PPP6R1: variants seen among roughly 807,000 people sequenced by gnomAD.
PPP6R1 encodes the protein protein phosphatase 6 regulatory subunit 1, also known as serine/threonine-protein phosphatase 6 regulatory subunit 1.
PPP6R1 carries 39 observed loss-of-function variants against 104.6 expected under a neutral mutation model. The ratio of observed to expected loss-of-function variants is 0.37; its 90% CI spans 0.29 to 0.49. The LOEUF is 0.49. Among genes scored for constraint, PPP6R1 ranks in the 20% least tolerant of loss-of-function variants. The probability of loss-of-function intolerance (pLI) is 0.98; values close to 1 mark genes in which losing one functional copy is unlikely to be tolerated. For synonymous variants in PPP6R1, 549 were observed against 479.0 expected (o/e 1.15, Z -1.91); for missense variants, 1,181 against 1,155.8 (o/e 1.02, Z -0.32).
At chr19:55,244,050 T>C (rs1326845308) in intron 5 of PPP6R1, among the ~76,000 whole-genome samples, 7 of 152,166 alleles carry the variant, frequency 4.6e-5, no homozygotes, top group Non-Finnish European at 1.5e-5. Flanking sequence ...GCTGTGCAAT[T>C]TACATCTCAG....
Position 55,245,212 on chromosome 19 carries a change from T to A in PPP6R1, c.553-27A>T, listed in dbSNP as rs1471317005. The A allele has an allele frequency of 6.2e-7, 1 of 1,609,414 alleles. No individual in the cohort carries two copies. The highest frequency in any genetic ancestry group is 8.5e-7 in the Non-Finnish European group (1 of 1,178,110). On this transcript the variant is annotated intron_variant, in intron 4 of 23. Coordinates refer to ENST00000412770, the MANE Select transcript of PPP6R1 (RefSeq NM_014931.4). The surrounding 1 kb of genome is among the most constrained non-coding windows in gnomAD (Gnocchi z 6.4). ...TGAGGGTGAGAAGGCGAGGGATGCA[T>A]CGCTGTCCACCACGCCCAGCCCCCC...
In PPP6R1 at chr19:55,246,816, G is replaced by A. The variant is rs1371064379; in HGVS notation, c.227+61C>T. 5 of 1,377,272 alleles carry A rather than the reference G, an allele frequency of 3.6e-6. No homozygotes were observed. The Admixed American group carries it at 1.2e-4, about 32-fold the overall frequency. 85.3% of individuals were successfully genotyped at this position (1,377,272 alleles called of 1,614,324 possible). A position where few individuals can be genotyped will look rare whatever the true frequency, so the allele number is the denominator to read the frequency against. On this transcript the variant is annotated intron_variant, in intron 2 of 23. Coordinates refer to ENST00000412770, the MANE Select transcript of PPP6R1 (RefSeq NM_014931.4). ...GCATTTCAGGGTAGCTGTGAGGCTT[G>A]CGTAGTGAAGGTATGTGTGATGCTG... is the stretch of plus-strand genomic sequence containing the variant.
chr19:55,241,311 G>A lies in PPP6R1; in HGVS notation c.1089C>T (p.Ala363=), dbSNP rs1368151748. The stretch of plus-strand genomic sequence containing the variant: ...CTGCATCATTGGCGCTCAGGGCACT[G>A]GCCAGGAGCTTGACCACGTGCAGCC... ...NTRLHVVKLL[A]SALSANDAAL... is the part of the protein sequence containing the mutation. The change falls in exon 9 of 24, where the codon GCC becomes GCT. Residue 363 remains alanine, a synonymous_variant. Coordinates refer to ENST00000412770, the MANE Select transcript of PPP6R1 (RefSeq NM_014931.4). This position sits in a 1 kb window ranked among gnomAD's most constrained non-coding sequence, Gnocchi z 5.4. 6.2e-7 allele frequency: 1 copy of A among 1,611,762 alleles called. No individual in the cohort carries two copies. The highest frequency in any genetic ancestry group is 8.5e-7 in the Non-Finnish European group (1 of 1,179,756).
Position 55,257,078 on chromosome 19 carries a change from T to TAA in PPP6R1, c.-7+1355_-7+1356dup, listed in dbSNP as rs35336959. On this transcript the variant is annotated intron_variant, in intron 1 of 23. Coordinates refer to ENST00000412770, the MANE Select transcript of PPP6R1 (RefSeq NM_014931.4). ...ATGATCCCAATCCCAGAACTAGAGT[T>TAA]AAAAAAAAAAAAAAAAAAAAAGCAT... is the stretch of plus-strand genomic sequence containing the variant. Among the ~76,000 whole-genome samples the TAA allele has an allele frequency of 2.3e-3, 213 of 94,222 alleles. 1 individual carries two copies. The highest frequency in any genetic ancestry group is 6.3e-3 in the Middle Eastern group (1 of 158). The allele number at this position is 94,222 out of a possible 152,430, so 61.8% of individuals were successfully genotyped here. A position where few individuals can be genotyped will look rare whatever the true frequency, so the allele number is the denominator to read the frequency against.
chr19:55,258,284 G>A (rs2087610515), intron 1 of PPP6R1, among the ~76,000 whole-genome samples, 151 bp downstream of exon 1: 1 of 152,146 alleles, frequency 6.6e-6, no homozygotes, highest in Non-Finnish European at 1.5e-5. Flanking sequence ...GGGGTGCCGT[G>A]GAGAGGAAAC....
chr19:55,256,880 G>A (rs909775425), intron 1 of PPP6R1, among the ~76,000 whole-genome samples: 1 of 152,086 alleles, frequency 6.6e-6, no homozygotes, highest in African/African-American at 2.4e-5. Context: ...TTCTGCCACA[G>A]GCTTCTACAA....
intron 5 of PPP6R1, chr19:55,242,702 G>A (rs959813104): frequency 7.2e-6 from 4 of 553,612 alleles, no homozygotes; most frequent in Non-Finnish European, 1.3e-5. Flanking sequence ...CCCAGGACAG[G>A]AGGCATCCAC....
At chr19:55,228,857 A>G, downstream of PPP6R1, 1 of 1,052,670 alleles carries the variant, frequency 9.5e-7, no homozygotes, top group South Asian at 1.4e-5. Context: ...TCTGTGACTG[A>G]TAACAGGGCC....
In PPP6R1 at chr19:55,240,280, C is replaced by A; in HGVS notation, c.1317G>T (p.Leu439=). 1 of 1,593,806 alleles carries A rather than the reference C, an allele frequency of 6.3e-7. No homozygotes were observed. Residue 439 remains leucine (L), a synonymous_variant, in exon 11 of 24, where the codon CTG becomes CTT. Coordinates refer to ENST00000412770, the MANE Select transcript of PPP6R1 (RefSeq NM_014931.4). ...VVKHLLQQCR[L]VERILTSWEE... Reference sequence around the variant, plus strand: ...CCCAGGACGTCAGGATCCGCTCCACCAGGCGGCACTGCTGCAGCAGCTGCG... The same window carrying A: ...CCCAGGACGTCAGGATCCGCTCCACAAGGCGGCACTGCTGCAGCAGCTGCG...
rs761667792 is a variant in PPP6R1, at chr19:55,230,487, G to A, written c.*41C>T. 24 of 1,611,888 alleles carry A rather than the reference G, an allele frequency of 1.5e-5. No individual in the cohort carries two copies. The highest frequency in any genetic ancestry group is 2.2e-5 in the East Asian group (1 of 44,856). On this transcript the variant is annotated 3_prime_UTR_variant, in exon 24 of 24. Coordinates refer to ENST00000412770, the MANE Select transcript of PPP6R1 (RefSeq NM_014931.4). ...CCTGCCCCCACCCCGGGAGATCCAC[G>A]GGAGGACGGAAGATTTGGCCGCCGC...
chr19:55,253,940 A>G (rs2122736313), intron 1 of PPP6R1, among the ~76,000 whole-genome samples: 1 of 152,288 alleles, frequency 6.6e-6, no homozygotes, highest in Non-Finnish European at 1.5e-5. Context: ...GGCTGCTGTG[A>G]AAAGGCATTG....
intron 18 of PPP6R1, 27 bp from the exon 19 acceptor site, chr19:55,232,009 G>A (rs771950156): frequency 1.2e-6 from 2 of 1,608,222 alleles, no homozygotes; most frequent in Admixed American, 3.4e-5. Context: ...GGAGCGGGAT[G>A]GAGGGTGAAC....
intron 17 of PPP6R1, among the ~76,000 whole-genome samples, chr19:55,235,175 C>A (rs1380425222): frequency 6.6e-6 from 1 of 151,470 alleles, no homozygotes; most frequent in Non-Finnish European, 1.5e-5. Context: ...GAACCCATTT[C>A]ATCACAGCGA....
rs373110920 is a variant in PPP6R1, at chr19:55,242,336, A to C, written c.731+40T>G. ...GGGCCAGGGGCCCAGGGCTTCCCCA[A>C]GTCAGCTCCCCCCAGCCTTAGCCTT... On this transcript the variant is annotated intron_variant, in intron 6 of 23. Coordinates refer to ENST00000412770, the MANE Select transcript of PPP6R1 (RefSeq NM_014931.4). 4 of 1,612,430 alleles carry C rather than the reference A, an allele frequency of 2.5e-6. No individual in the cohort carries two copies. The Admixed American group carries it at 5.0e-5, about 20-fold the overall frequency.
chr19:55,240,633 TCTCA>T (rs1482762448), intron 10 of PPP6R1, among the ~76,000 whole-genome samples: 3 of 137,328 alleles, frequency 2.2e-5, no homozygotes, highest in Non-Finnish European at 3.3e-5. Flanking sequence ...ACATACATGC[TCTCA>T]CACACGCTTG....
At position 55,245,969 on chromosome 19, in the gene PPP6R1, C is replaced by T. The variant is rs977947738; in HGVS notation, c.228-291G>A. On this transcript the variant is annotated intron_variant, in intron 2 of 23. Transcript: ENST00000412770. This position sits in a 1 kb window ranked among gnomAD's most constrained non-coding sequence, Gnocchi z 6.4. ...CAATCCCCCAGCAGCTAACACTCAT[C>T]CCTTTTGCCTCTCAGCGGCTTCACT... Among the ~76,000 whole-genome samples the T allele has an allele frequency of 2.0e-5, 3 of 152,286 alleles. No individual in the cohort carries two copies. The highest frequency in any genetic ancestry group is 2.0e-4 in the Admixed American group (3 of 15,302).
At chr19:55,249,585 A>C (rs1215394333) in intron 1 of PPP6R1, among the ~76,000 whole-genome samples, 1 of 152,014 alleles carries the variant, frequency 6.6e-6, no homozygotes, top group Non-Finnish European at 1.5e-5. Context: ...TCACGCCTAT[A>C]ATCCCAGCAC....
At chr19:55,256,631 A>T (rs533950106) in intron 1 of PPP6R1, among the ~76,000 whole-genome samples, 1 of 152,364 alleles carries the variant, frequency 6.6e-6, no homozygotes, top group East Asian at 1.9e-4. Context: ...GCACCACAGC[A>T]GGGCACCAGA....
intron 1 of PPP6R1, among the ~76,000 whole-genome samples, chr19:55,252,373 G>A (rs1051427855): frequency 1.4e-5 from 2 of 145,908 alleles, no homozygotes; most frequent in Non-Finnish European, 3.0e-5. Flanking sequence ...GGGACTACAG[G>A]TGCGCACCAC....
Sources: allele counts gnomAD v4.1 joint callset (sites outside exome capture counted in the v4.1 genomes callset), GRCh38; gene constraint gnomAD v4.1.1; non-coding constraint Gnocchi (gnomAD v3.1); transcripts MANE v1.5; gene names NCBI Gene and HGNC (gene_info 2026-07-23, HGNC 2026-07-21).